LPIN2: variants seen among roughly 807,000 people sequenced by gnomAD.
The protein encoded by LPIN2 is lipin 2.
Under a neutral mutation model 111.4 loss-of-function variants are expected in LPIN2, and 55 were observed. The ratio of observed to expected loss-of-function variants is 0.49; its 90% CI spans 0.40 to 0.62. The LOEUF (loss-of-function observed/expected upper bound fraction) is 0.62. LPIN2 is among the 20% of genes least tolerant of loss of function. The pLI is 0.00. For missense variants in LPIN2, 992 were observed against 1,112.1 expected (o/e 0.89, Z 1.54); for synonymous variants, 425 against 414.0 (o/e 1.03, Z -0.32).
At chr18:3,005,012 G>A (rs2078490326) in intron 1 of LPIN2, among the ~76,000 whole-genome samples, 1 of 152,084 alleles carries the variant, frequency 6.6e-6, no homozygotes, top group Non-Finnish European at 1.5e-5. Context: ...CTATAAAGTA[G>A]GTGCTATCTC....
chr18:2,920,095 C>G lies in LPIN2; in HGVS notation c.*198G>C. 1 of 668,180 alleles carries G rather than the reference C, an allele frequency of 1.5e-6. No individual in the cohort carries two copies. The highest frequency in any genetic ancestry group is 2.6e-6 in the Non-Finnish European group (1 of 388,912). The allele number at this position is 668,180 out of a possible 1,614,324, so 41.4% of individuals were successfully genotyped here. A position where few individuals can be genotyped will look rare whatever the true frequency, so the allele number is the denominator to read the frequency against. ...CAGCCCCAGGCCCAGTTCCTCCCTTCTCCTTCCAGGAGCTGAGCTGCAGAC... is the reference window on the plus strand; with the variant it reads ...CAGCCCCAGGCCCAGTTCCTCCCTTGTCCTTCCAGGAGCTGAGCTGCAGAC... On this transcript the variant is annotated 3_prime_UTR_variant, in exon 20 of 20. Coordinates refer to ENST00000677752, the MANE Select transcript of LPIN2 (RefSeq NM_001375808.2).
chr18:2,924,562 A>G lies in LPIN2; in HGVS notation c.1939-16T>C, dbSNP rs748270446. 4 of 1,613,684 alleles carry G rather than the reference A, an allele frequency of 2.5e-6. No homozygotes were observed. The highest frequency in any genetic ancestry group is 2.5e-6 in the Non-Finnish European group (3 of 1,179,536). The stretch of plus-strand genomic sequence containing the variant: ...TCAGTTTTGCCTTTTAAAAAAGCAT[A>G]AGAATAAAGAAAATCAGCTGAAAAC... On this transcript the variant is annotated splice_polypyrimidine_tract_variant and intron_variant, in intron 14 of 19. Transcript: ENST00000677752.
intron 16 of LPIN2, among the ~76,000 whole-genome samples, chr18:2,922,926 T>C (rs1427744628): frequency 6.6e-6 from 1 of 152,170 alleles, no homozygotes; most frequent in Admixed American, 6.5e-5. Flanking sequence ...CCCAGGTAAC[T>C]GACATATTCG....
chr18:2,983,738 T>G (rs2078146128), intron 1 of LPIN2, among the ~76,000 whole-genome samples: 1 of 152,166 alleles, frequency 6.6e-6, no homozygotes, highest in Admixed American at 6.5e-5. Context: ...ACTACATGTT[T>G]AAAGGATATT....
At chr18:2,991,659 C>G (rs191940995) in intron 1 of LPIN2, among the ~76,000 whole-genome samples, 1 of 152,034 alleles carries the variant, frequency 6.6e-6, no homozygotes, top group Admixed American at 6.5e-5. Context: ...CTGCAGTGAG[C>G]CGAGACCATG....
chr18:2,965,821 T>A (rs2077793115), intron 1 of LPIN2, among the ~76,000 whole-genome samples: 2 of 151,838 alleles, frequency 1.3e-5, no homozygotes, highest in Admixed American at 1.3e-4. Flanking sequence ...AATTATTTGA[T>A]GTGTTCAATC....
At chr18:2,958,862 C>T (rs1368617721) in intron 2 of LPIN2, among the ~76,000 whole-genome samples, 2 of 151,944 alleles carry the variant, frequency 1.3e-5, no homozygotes, top group African/African-American at 2.4e-5. Context: ...CTTATAAATA[C>T]ATCTGCCTTC....
At chr18:2,964,155 C>T (rs902370560) in intron 1 of LPIN2, among the ~76,000 whole-genome samples, 2 of 151,372 alleles carry the variant, frequency 1.3e-5, no homozygotes, top group Admixed American at 6.6e-5. Context: ...TGATGGCGTG[C>T]GCCTGTAGTC....
In LPIN2 at chr18:2,929,762, C is replaced by T. The variant is rs140205951; in HGVS notation, c.1457-604G>A. ...CTCTACTAAAAATACAAAAATAAGG[C>T]GGGTATGGTGGTGCCAACCTGTAAT... On this transcript the variant is annotated intron_variant, in intron 9 of 19. Transcript: ENST00000677752. 1.1e-4 allele frequency among the ~76,000 whole-genome samples: 16 copies of T among 152,098 alleles called. No individual in the cohort carries two copies. The East Asian group carries it at 3.1e-3, about 29-fold the overall frequency.
Position 2,931,335 on chromosome 18 carries a change from G to A in LPIN2, c.1377C>T (p.Leu459=). The A allele has an allele frequency of 6.2e-7, 1 of 1,614,174 alleles. No individual in the cohort carries two copies. Among genetic ancestry groups the A allele is most frequent in the Non-Finnish European group, 8.5e-7 (1 of 1,180,040 alleles). Residue 459 remains leucine, a synonymous_variant, in exon 9 of 20, where the codon CTC becomes CTT. Transcript: ENST00000677752. Reference sequence around the variant, plus strand: ...CAGGCAAGTCCATGGCAGAATCTGAGAGGCACTCGGTGCCGCTATCTGCAG... The same window carrying A: ...CAGGCAAGTCCATGGCAGAATCTGAAAGGCACTCGGTGCCGCTATCTGCAG... ...SAAADSGTEC[L]SDSAMDLPDV... is the part of the protein sequence containing the mutation.
intron 4 of LPIN2, chr18:2,945,991 A>G: frequency 7.2e-7 from 1 of 1,392,804 alleles, no homozygotes; most frequent in South Asian, 1.2e-5. Flanking sequence ...CTCATGGAAA[A>G]TAGGTACTCC....
intron 19 of LPIN2, 152 bp from the exon 20 acceptor site, chr18:2,920,589 T>A: frequency 1.1e-6 from 1 of 912,414 alleles, no homozygotes; most frequent in Non-Finnish European, 1.8e-6. Context: ...AACTCCCTCT[T>A]ACAAGTCTAG....
rs182859834 is a variant in LPIN2 at position 2,938,152 on chromosome 18, T to C, written c.823-115A>G. ...TTTAACTTAACACATTCATTAAGTA[T>C]CTTAGTTTGTACATGTAAAAATTCC... On this transcript the variant is annotated intron_variant, in intron 6 of 19. Transcript: ENST00000677752. 10 of 769,518 alleles carry C rather than the reference T, an allele frequency of 1.3e-5. 1 individual carries two copies. The East Asian group carries it at 1.6e-4, about 12-fold the overall frequency. 47.7% of individuals were successfully genotyped at this position (769,518 alleles called of 1,614,324 possible).
intron 4 of LPIN2, among the ~76,000 whole-genome samples, chr18:2,949,652 G>A (rs1266068786): frequency 5.9e-5 from 9 of 151,932 alleles, no homozygotes; most frequent in East Asian, 1.9e-4. Flanking sequence ...TTATAATATC[G>A]AATTGTAAAA....
At chr18:2,971,520 A>C (rs942572503) in intron 1 of LPIN2, among the ~76,000 whole-genome samples, 1 of 152,154 alleles carries the variant, frequency 6.6e-6, no homozygotes, top group African/African-American at 2.4e-5. Flanking sequence ...AAAGTCCCGC[A>C]AGCTTCACTG....
chr18:2,954,471 T>C, intron 3 of LPIN2, 33 bp downstream of exon 3: 1 of 1,499,030 alleles, frequency 6.7e-7, no homozygotes, highest in African/African-American at 1.4e-5. Context: ...CTGAGCACAC[T>C]GTGTAAGGAG....
chr18:3,001,667 A>G (rs756422879), intron 1 of LPIN2, among the ~76,000 whole-genome samples: 5 of 152,174 alleles, frequency 3.3e-5, no homozygotes, highest in Non-Finnish European at 7.3e-5. Context: ...ATCAAATCCC[A>G]CAAGCACAGA....
chr18:3,009,272 G>A (rs2078564692), intron 1 of LPIN2, among the ~76,000 whole-genome samples: 1 of 151,586 alleles, frequency 6.6e-6, no homozygotes, highest in Non-Finnish European at 1.5e-5. Flanking sequence ...GGTGGCACGT[G>A]CCTGTAGTCC....
At chr18:2,991,749 C>T (rs572770555) in intron 1 of LPIN2, among the ~76,000 whole-genome samples, 4 of 152,058 alleles carry the variant, frequency 2.6e-5, no homozygotes, top group Non-Finnish European at 5.9e-5. Context: ...CAGTGGCTCA[C>T]GCCTATAATC....
Sources: allele counts gnomAD v4.1 joint callset (sites outside exome capture counted in the v4.1 genomes callset), GRCh38; gene constraint gnomAD v4.1.1; transcripts MANE v1.5; gene names NCBI Gene and HGNC (gene_info 2026-07-23, HGNC 2026-07-21).